The following PCDHGA12 variants were observed in gnomAD, a reference collection of about 807,000 sequenced individuals.
PCDHGA12 encodes protocadherin gamma-A12.
A neutral mutation model predicts 61.1 loss-of-function variants in PCDHGA12; 43 were observed. That is an observed-to-expected ratio of 0.70 (90% CI 0.55 to 0.91). The LOEUF is 0.91. Ranked by LOEUF, PCDHGA12 falls within the 40% of genes least tolerant of loss-of-function variation. PCDHGA12 has a pLI of 0.00. For missense variants in PCDHGA12, 1,236 were observed against 1,227.7 expected, an observed-to-expected ratio of 1.01 and a Z score of -0.10; for synonymous variants, 520 against 542.9, an observed-to-expected ratio of 0.96 and a Z score of 0.59.
intron 1 of PCDHGA12, among the ~76,000 whole-genome samples, chr5:141,449,677 A>G (rs543079734): frequency 6.3e-4 from 96 of 151,362 alleles, no homozygotes; most frequent in Non-Finnish European, 1.1e-3. Flanking sequence ...GTGTATGTAT[A>G]TATGTTTGTG....
Position 141,432,538 on chromosome 5 carries a change from G to T in PCDHGA12, c.1779G>T (p.Ala593=), listed in dbSNP as rs200601557. 1 of 1,613,908 alleles carries T rather than the reference G, an allele frequency of 6.2e-7. No individual in the cohort carries two copies. Among genetic ancestry groups the T allele is most frequent in the African/African-American group, 1.3e-5 (1 of 74,936 alleles). ...EPGYLVTKVV[A]VDRDSGQNAW... Reference sequence around the variant, plus strand: ...GCTACCTGGTGACCAAGGTGGTGGCGGTGGACAGAGACTCCGGCCAGAACG... The same window carrying T: ...GCTACCTGGTGACCAAGGTGGTGGCTGTGGACAGAGACTCCGGCCAGAACG... The change falls in exon 1 of 4, where the codon GCG becomes GCT. Residue 593 remains alanine (A), a synonymous_variant. Coordinates refer to ENST00000252085, the MANE Select transcript of PCDHGA12 (RefSeq NM_003735.3). This position sits in a 1 kb window ranked among gnomAD's most constrained non-coding sequence, Gnocchi z 6.0.
intron 1 of PCDHGA12, 175 bp downstream of exon 1, chr5:141,433,358 CCTAT>C (rs3074541): frequency 0.23 from 113,181 of 502,952 alleles, 11,570 homozygotes; most frequent in Non-Finnish European, 0.24. Flanking sequence ...CTACTGTCTG[CCTAT>C]CTATCTATCT....
At position 141,491,456 on chromosome 5, in the gene PCDHGA12, C is replaced by G; in HGVS notation, c.2425-3351C>G. On this transcript the variant is annotated intron_variant, in intron 1 of 3. Transcript: ENST00000252085. The surrounding 1 kb of genome is among the most constrained non-coding windows in gnomAD (Gnocchi z 6.9). Reference sequence around the variant, plus strand: ...TGCAGGCGCCAGGACTCACCCTCCCCGGACTTCTATAAGCAGTCCAGCCCC... The same window carrying G: ...TGCAGGCGCCAGGACTCACCCTCCCGGGACTTCTATAAGCAGTCCAGCCCC... 1 of 1,614,104 alleles carries G rather than the reference C, an allele frequency of 6.2e-7. No homozygotes were observed. The highest frequency in any genetic ancestry group is 8.5e-7 in the Non-Finnish European group (1 of 1,180,010).
At chr5:141,508,732 C>A (rs1037039751) in intron 3 of PCDHGA12, among the ~76,000 whole-genome samples, 3 of 151,880 alleles carry the variant, frequency 2.0e-5, no homozygotes, top group Non-Finnish European at 4.4e-5. Flanking sequence ...GGAGACTACA[C>A]CCCCCACCCC....
chr5:141,491,138 C>T lies in PCDHGA12; in HGVS notation c.2425-3669C>T. The T allele has an allele frequency of 1.2e-6, 2 of 1,614,106 alleles. No individual in the cohort carries two copies. The highest frequency in any genetic ancestry group is 1.7e-6 in the Non-Finnish European group (2 of 1,179,962). On this transcript the variant is annotated intron_variant, in intron 1 of 3. Transcript: ENST00000252085. The surrounding 1 kb of genome is among the most constrained non-coding windows in gnomAD (Gnocchi z 6.9). ...ACTGGTGAGGTGCGCACAGCCCGGG[C>T]CTTACTGGAGGATGACTCTGACACC...
intron 1 of PCDHGA12, among the ~76,000 whole-genome samples, chr5:141,435,225 A>G (rs919735003): frequency 5.9e-5 from 9 of 152,188 alleles, no homozygotes; most frequent in Non-Finnish European, 1.2e-4. Context: ...CTTTCTTTCA[A>G]AGTTCAGTAA....
intron 2 of PCDHGA12, among the ~76,000 whole-genome samples, chr5:141,499,670 C>T (rs1477227784): frequency 6.6e-6 from 1 of 151,412 alleles, no homozygotes; most frequent in African/African-American, 2.4e-5. Flanking sequence ...TCTTGGTCTC[C>T]ACCATCTTTA....
chr5:141,481,021 GC>G (rs2099529893), intron 1 of PCDHGA12, among the ~76,000 whole-genome samples: 1 of 152,076 alleles, frequency 6.6e-6, no homozygotes, highest in Non-Finnish European at 1.5e-5. Context: ...TCACACCACT[GC>G]ACTCCAGCCT....
Position 141,475,871 on chromosome 5 carries a change from A to C in PCDHGA12, c.2425-18936A>C, listed in dbSNP as rs568810142. 35 of 513,270 alleles carry C rather than the reference A, an allele frequency of 6.8e-5. No individual in the cohort carries two copies. The East Asian group carries it at 1.1e-3, about 16-fold the overall frequency. The allele number at this position is 513,270 out of a possible 1,614,324, so 31.8% of individuals were successfully genotyped here. The stretch of plus-strand genomic sequence containing the variant: ...CCCGGCGCTAGCTCATTCTTCGTGC[A>C]GTTATTGGCTGGGACTCTGTGTGCC... On this transcript the variant is annotated intron_variant, in intron 1 of 3. Transcript: ENST00000252085.
intron 1 of PCDHGA12, chr5:141,441,795 C>T (rs569465359): frequency 2.6e-6 from 1 of 387,758 alleles, no homozygotes; most frequent in Non-Finnish European, 5.1e-6. Flanking sequence ...TGACAACGCA[C>T]CGCGGGTGCT....
Position 141,486,054 on chromosome 5 carries a change from G to T in PCDHGA12, c.2425-8753G>T. The T allele has an allele frequency of 1.2e-6, 2 of 1,614,124 alleles. No homozygotes were observed. Among genetic ancestry groups the T allele is most frequent in the South Asian group, 1.1e-5 (1 of 91,072 alleles). On this transcript the variant is annotated intron_variant, in intron 1 of 3. Transcript: ENST00000252085. The surrounding 1 kb of genome is among the most constrained non-coding windows in gnomAD (Gnocchi z 5.0). The stretch of plus-strand genomic sequence containing the variant: ...CCTGATCGTGTAAGAAACCTCTTTA[G>T]CCTGCACCCCACTACTGGAAAGCTT...
In PCDHGA12 at chr5:141,476,650, A is replaced by G. The variant is rs2099395609; in HGVS notation, c.2425-18157A>G. 6.2e-7 allele frequency: 1 copy of G among 1,614,126 alleles called. No individual in the cohort carries two copies. The highest frequency in any genetic ancestry group is 1.3e-5 in the African/African-American group (1 of 74,952). On this transcript the variant is annotated intron_variant, in intron 1 of 3. Transcript: ENST00000252085. This position sits in a 1 kb window ranked among gnomAD's most constrained non-coding sequence, Gnocchi z 7.6. Reference sequence around the variant, plus strand: ...AAACCTATGAGCTGAGCCGAAATGAATACTTTGCGCTTCGCGTGCAGACGC... The same window carrying G: ...AAACCTATGAGCTGAGCCGAAATGAGTACTTTGCGCTTCGCGTGCAGACGC...
chr5:141,500,554 C>A (rs2099801320), intron 2 of PCDHGA12, among the ~76,000 whole-genome samples: 1 of 152,212 alleles, frequency 6.6e-6, no homozygotes, highest in Admixed American at 6.5e-5. Context: ...AAGTTGTTCA[C>A]AAACTTGTCA....
intron 1 of PCDHGA12, among the ~76,000 whole-genome samples, chr5:141,475,285 A>G (rs2099361212): frequency 6.6e-6 from 1 of 152,244 alleles, no homozygotes; most frequent in Non-Finnish European, 1.5e-5. Context: ...AAGACAGGGT[A>G]GGGAAATTTC....
At position 141,485,260 on chromosome 5, in the gene PCDHGA12, G is replaced by A. The variant is rs773919574; in HGVS notation, c.2425-9547G>A. On this transcript the variant is annotated intron_variant, in intron 1 of 3. Transcript: ENST00000252085. This position sits in a 1 kb window ranked among gnomAD's most constrained non-coding sequence, Gnocchi z 5.7. ...TTTACCACCTGGGTTACGTTTGTGG[G>A]CAGATCCGCTACCCGGTCCCAGAGG... The A allele has an allele frequency of 8.7e-6, 14 of 1,614,002 alleles. No individual in the cohort carries two copies. In the African/African-American group the frequency reaches 1.5e-4, roughly 17 times the overall value.
intron 1 of PCDHGA12, among the ~76,000 whole-genome samples, chr5:141,436,424 T>C (rs2154557109): frequency 6.6e-6 from 1 of 152,322 alleles, no homozygotes; most frequent in Middle Eastern, 3.4e-3. Context: ...AAACAAATAA[T>C]GTACTCTGGG....
intron 1 of PCDHGA12, among the ~76,000 whole-genome samples, chr5:141,466,815 A>G (rs1019952491): frequency 1.3e-5 from 2 of 152,182 alleles, no homozygotes; most frequent in Non-Finnish European, 2.9e-5. Flanking sequence ...CAGACATGGT[A>G]TAACAAGTTA....
intron 1 of PCDHGA12, among the ~76,000 whole-genome samples, chr5:141,447,276 A>G (rs2098532917): frequency 6.6e-6 from 1 of 151,994 alleles, no homozygotes; most frequent in South Asian, 2.1e-4. Flanking sequence ...AGTAGCTGGG[A>G]CTACAGGCAC....
rs568472427 is a variant in PCDHGA12, at chr5:141,460,924, A to G, written c.2424+27741A>G. 3.3e-4 allele frequency among the ~76,000 whole-genome samples: 50 copies of G among 150,592 alleles called. No homozygotes were observed. The East Asian group carries it at 6.6e-3, about 20-fold the overall frequency. Reference sequence around the variant, plus strand: ...AATATTCCATGGTGTATATATATATATGTGTGTGTGTATATATATGTATTA... The same window carrying G: ...AATATTCCATGGTGTATATATATATGTGTGTGTGTGTATATATATGTATTA... On this transcript the variant is annotated intron_variant, in intron 1 of 3. Coordinates refer to ENST00000252085, the MANE Select transcript of PCDHGA12 (RefSeq NM_003735.3).
Sources: gnomAD v4.1 joint callset for allele counts (sites outside exome capture counted in the v4.1 genomes callset) on GRCh38, gnomAD v4.1.1 for gene constraint, Gnocchi (gnomAD v3.1) non-coding constraint, MANE v1.5 for transcripts, NCBI Gene and HGNC (gene_info 2026-07-23, HGNC 2026-07-21) for gene names.